CCSER1: variants seen among roughly 807,000 people sequenced by gnomAD.
CCSER1 encodes the protein serine-rich coiled-coil domain-containing protein 1.
Under a neutral mutation model 82.0 loss-of-function variants are expected in CCSER1, and 41 were observed. That is an observed-to-expected ratio of 0.50 (90% CI 0.39 to 0.65). The LOEUF is 0.65. Among genes scored for constraint, CCSER1 ranks in the 30% least tolerant of loss-of-function variants. The probability of loss-of-function intolerance (pLI) is 0.00; values close to 1 mark genes in which losing one functional copy is unlikely to be tolerated. For synonymous variants in CCSER1, 414 were observed against 383.9 expected (o/e 1.08, Z -0.92); for missense variants, 1,119 against 1,064.2 (o/e 1.05, Z -0.72).
At chr4:90,896,333 G>A (rs1297775567) in intron 8 of CCSER1, among the ~76,000 whole-genome samples, 2 of 151,948 alleles carry the variant, frequency 1.3e-5, no homozygotes, top group Non-Finnish European at 2.9e-5. Flanking sequence ...AAAAGAAGTT[G>A]TATAGATTTT....
chr4:90,817,815 C>A (rs1181204602), intron 8 of CCSER1, among the ~76,000 whole-genome samples: 2 of 152,038 alleles, frequency 1.3e-5, no homozygotes, highest in African/African-American at 4.8e-5. Flanking sequence ...CAATACAAAC[C>A]CCTTGCATCC....
At chr4:90,750,562 C>T (rs1017864206) in intron 7 of CCSER1, among the ~76,000 whole-genome samples, 1 of 152,124 alleles carries the variant, frequency 6.6e-6, no homozygotes, top group African/African-American at 2.4e-5. Flanking sequence ...TTTTCTTCAG[C>T]TGCTGCCAGC....
At chr4:90,441,774 C>A (rs116796678) in intron 4 of CCSER1, among the ~76,000 whole-genome samples, 452 of 152,272 alleles carry the variant, frequency 3.0e-3, no homozygotes, top group African/African-American at 0.011. Context: ...TAATAGTTGG[C>A]TGTGTTTAAT....
chr4:90,330,095 G>A (rs1367085478), intron 3 of CCSER1, among the ~76,000 whole-genome samples: 1 of 152,032 alleles, frequency 6.6e-6, no homozygotes, highest in Non-Finnish European at 1.5e-5. Context: ...AGTAGTAATG[G>A]TCATTTCTAT....
chr4:90,960,423 A>C (rs900518205), intron 9 of CCSER1, among the ~76,000 whole-genome samples: 1 of 152,068 alleles, frequency 6.6e-6, no homozygotes, highest in African/African-American at 2.4e-5. Flanking sequence ...GTCAGTCTTT[A>C]CTCATTGCTC....
At chr4:90,345,904 G>T (rs1465443665) in intron 3 of CCSER1, among the ~76,000 whole-genome samples, 1 of 151,984 alleles carries the variant, frequency 6.6e-6, no homozygotes, top group African/African-American at 2.4e-5. Context: ...AGAATTAAGA[G>T]AAAAAGTATT....
At chr4:90,283,096 C>G (rs1243348365) in intron 1 of CCSER1, among the ~76,000 whole-genome samples, 1 of 151,896 alleles carries the variant, frequency 6.6e-6, no homozygotes, top group Non-Finnish European at 1.5e-5. Flanking sequence ...CTACATGAAA[C>G]AGAGGGGGAC....
chr4:90,475,234 C>G (rs1186561433), intron 5 of CCSER1, among the ~76,000 whole-genome samples: 1 of 152,144 alleles, frequency 6.6e-6, no homozygotes, highest in Non-Finnish European at 1.5e-5. Context: ...TCAAATTCTT[C>G]CATTTAAAAA....
intron 10 of CCSER1, among the ~76,000 whole-genome samples, chr4:91,415,041 T>C (rs1298804360): frequency 2.0e-5 from 3 of 152,078 alleles, no homozygotes. Flanking sequence ...ACAAAACCTA[T>C]AAGGAAGCAG....
intron 10 of CCSER1, among the ~76,000 whole-genome samples, chr4:91,121,942 T>TCA (rs1727127235): frequency 6.6e-6 from 1 of 151,648 alleles, no homozygotes; most frequent in Non-Finnish European, 1.5e-5. Context: ...TATATATGTG[T>TCA]CACTCCATTT....
intron 10 of CCSER1, among the ~76,000 whole-genome samples, chr4:91,501,499 C>T (rs951915765): frequency 6.6e-6 from 1 of 151,860 alleles, no homozygotes; most frequent in African/African-American, 2.4e-5. Context: ...GTTACATAAT[C>T]CATTCATATT....
intron 10 of CCSER1, among the ~76,000 whole-genome samples, chr4:91,392,841 A>C (rs2149351489): frequency 6.6e-6 from 1 of 152,274 alleles, no homozygotes; most frequent in South Asian, 2.1e-4. Context: ...ACTTCAAGGC[A>C]GAATTTGAAT....
chr4:91,473,292 A>G (rs902203572), intron 10 of CCSER1, among the ~76,000 whole-genome samples: 13 of 152,214 alleles, frequency 8.5e-5, no homozygotes, highest in African/African-American at 3.1e-4. Flanking sequence ...TAGGGCATAC[A>G]AAGGAACATA....
Position 90,460,053 on chromosome 4 carries a change from G to A in CCSER1, c.1604-8181G>A, listed in dbSNP as rs867218931. ...TATTCAAAAACTAAGGCGGCCGGGCGCGGTGGCTCACGCCTGTAATCCCAG... is the reference window on the plus strand; with the variant it reads ...TATTCAAAAACTAAGGCGGCCGGGCACGGTGGCTCACGCCTGTAATCCCAG... On this transcript the variant is annotated intron_variant, in intron 4 of 10. Coordinates refer to ENST00000509176, the MANE Select transcript of CCSER1 (RefSeq NM_001145065.2). 6.1e-5 allele frequency among the ~76,000 whole-genome samples: 9 copies of A among 146,410 alleles called. 1 individual carries two copies. Among genetic ancestry groups the A allele is most frequent in the African/African-American group, 1.9e-4 (7 of 36,046 alleles).
chr4:90,962,089 G>C (rs1341702937), intron 9 of CCSER1, among the ~76,000 whole-genome samples: 10 of 151,978 alleles, frequency 6.6e-5, no homozygotes, highest in African/African-American at 1.9e-4. Flanking sequence ...ATCCCCATTT[G>C]AGAAGAACTG....
chr4:91,220,679 A>G (rs983537268), intron 10 of CCSER1, among the ~76,000 whole-genome samples: 2 of 152,186 alleles, frequency 1.3e-5, no homozygotes, highest in Non-Finnish European at 2.9e-5. Flanking sequence ...GGCCTACTTC[A>G]CATAACCCTG....
chr4:90,438,573 A>C (rs1313387079), intron 4 of CCSER1, among the ~76,000 whole-genome samples: 1 of 152,164 alleles, frequency 6.6e-6, no homozygotes, highest in African/African-American at 2.4e-5. Context: ...AAGTAAAGGA[A>C]ATGCTAAATC....
intron 8 of CCSER1, among the ~76,000 whole-genome samples, chr4:90,874,445 A>G: frequency 6.6e-6 from 1 of 152,088 alleles, no homozygotes. Context: ...CATAAAAAAA[A>G]AATCTCACCA....
At chr4:91,067,630 C>T (rs1259694036) in intron 9 of CCSER1, among the ~76,000 whole-genome samples, 1 of 57,650 alleles carries the variant, frequency 1.7e-5, no homozygotes, top group Non-Finnish European at 4.7e-5. Context: ...CAGGTATGAG[C>T]CACTGCACCC....
Sources: gnomAD v4.1 joint callset for allele counts (sites outside exome capture counted in the v4.1 genomes callset) on GRCh38, gnomAD v4.1.1 for gene constraint, MANE v1.5 for transcripts, NCBI Gene and HGNC (gene_info 2026-07-23, HGNC 2026-07-21) for gene names.